NUF2: variants seen among roughly 807,000 people sequenced by gnomAD.
NUF2 encodes NUF2 component of NDC80 kinetochore complex.
In NUF2, 34 loss-of-function variants were observed where a neutral mutation model predicts 61.8. The observed-to-expected ratio is 0.55, with a 90% CI of 0.42 to 0.73. NUF2 has a LOEUF of 0.73. Ranked by LOEUF, NUF2 falls within the 30% of genes least tolerant of loss-of-function variation. The pLI, the probability that NUF2 is intolerant of heterozygous loss-of-function variation, is 0.00. For missense variants in NUF2, 445 were observed against 539.1 expected (o/e 0.83, Z 1.73); for synonymous variants, 172 against 181.6 (o/e 0.95, Z 0.42).
chr1:163,355,692 C>T lies in NUF2; in HGVS notation c.*223C>T, dbSNP rs1436983166. The T allele has an allele frequency of 7.8e-5, 23 of 293,206 alleles. No individual in the cohort carries two copies. The East Asian group carries it at 1.3e-3, about 16-fold the overall frequency. 18.2% of individuals were successfully genotyped at this position (293,206 alleles called of 1,614,324 possible). On this transcript the variant is annotated 3_prime_UTR_variant, in exon 14 of 14. Transcript: ENST00000271452. ...AGCTATTCATGTCTCTACTCTGCCCCTTGTTGTAAATAGTTTGAGTAAAAC... is the reference window on the plus strand; with the variant it reads ...AGCTATTCATGTCTCTACTCTGCCCTTTGTTGTAAATAGTTTGAGTAAAAC...
chr1:163,348,980 T>C lies in NUF2; in HGVS notation c.1160T>C (p.Val387Ala). The change falls in exon 13 of 14, where the codon GTC (valine) becomes GCC (alanine). Residue 387 changes from valine to alanine, a missense_variant. Val to Ala is a moderately conservative substitution (Grantham distance 64). Transcript: ENST00000271452. ...AAAGTTCAAGAAAAAAGAGGTGCTG[T>C]CTATGAACGAGTAACCACAATTAAT... ...CNKVQEKRGA[V>A]YERVTTINQE... 6.2e-7 allele frequency: 1 copy of C among 1,610,054 alleles called. No homozygotes were observed. The highest frequency in any genetic ancestry group is 8.5e-7 in the Non-Finnish European group (1 of 1,179,060).
rs561988634 is a variant in NUF2 at position 163,344,991 on chromosome 1, CTT to C, written c.808-686_808-685del. On this transcript the variant is annotated intron_variant, in intron 10 of 13. Transcript: ENST00000271452. Reference sequence around the variant, plus strand: ...AAGTTTTACAGATTTTAGGAGAACACTTATATAATCTTGGACTGAGATAGATT... The same window carrying C: ...AAGTTTTACAGATTTTAGGAGAACACATATAATCTTGGACTGAGATAGATT... Among the ~76,000 whole-genome samples, 19 of 152,138 alleles carry C rather than the reference CTT, an allele frequency of 1.2e-4. 1 individual carries two copies. In the South Asian group the frequency reaches 3.7e-3, roughly 30 times the overall value.
intron 13 of NUF2, among the ~76,000 whole-genome samples, chr1:163,354,793 T>C (rs1651434379): frequency 1.3e-5 from 2 of 152,058 alleles, no homozygotes; most frequent in East Asian, 1.9e-4. Flanking sequence ...ACACGCTAAT[T>C]TTTTTCTTAT....
intron 12 of NUF2, among the ~76,000 whole-genome samples, chr1:163,348,455 C>T (rs1651206097): frequency 6.6e-6 from 1 of 152,144 alleles, no homozygotes; most frequent in Admixed American, 6.5e-5. Context: ...CCAGATATGT[C>T]TATAATCTCA....
intron 5 of NUF2, among the ~76,000 whole-genome samples, chr1:163,329,736 G>A (rs904151338): frequency 4.6e-5 from 7 of 152,094 alleles, no homozygotes; most frequent in African/African-American, 1.7e-4. Context: ...CAAATGAATC[G>A]AAAGCTTATA....
At chr1:163,333,043 C>T (rs1380757524) in intron 5 of NUF2, among the ~76,000 whole-genome samples, 1 of 152,064 alleles carries the variant, frequency 6.6e-6, no homozygotes, top group Non-Finnish European at 1.5e-5. Context: ...CCTGGTTGTT[C>T]TTTGAACTGT....
chr1:163,330,912 CTTA>C (rs1460788781), intron 5 of NUF2, among the ~76,000 whole-genome samples: 4 of 143,800 alleles, frequency 2.8e-5, no homozygotes, highest in African/African-American at 2.5e-5. Flanking sequence ...GCTAAAATCA[CTTA>C]TTATTTGAGT....
intron 3 of NUF2, 197 bp downstream of exon 3, chr1:163,327,759 G>T (rs1249631794): frequency 2.8e-5 from 15 of 538,126 alleles, no homozygotes; most frequent in Non-Finnish European, 6.5e-6. Flanking sequence ...TATATCCATA[G>T]ATTTAGTAAG....
chr1:163,335,643 T>G (rs1376305800), intron 5 of NUF2, among the ~76,000 whole-genome samples: 1 of 152,176 alleles, frequency 6.6e-6, no homozygotes, highest in Non-Finnish European at 1.5e-5. Context: ...TTCACTTTCT[T>G]GGATATGGTT....
chr1:163,355,219 A>T (rs1025857208), intron 13 of NUF2, 116 bp from the exon 14 acceptor site: 11 of 770,470 alleles, frequency 1.4e-5, no homozygotes, highest in Non-Finnish European at 2.2e-5. Flanking sequence ...GTGTGTGCAT[A>T]AGAATTTAGG....
chr1:163,322,395 G>C (rs887754206), intron 1 of NUF2, among the ~76,000 whole-genome samples, 183 bp downstream of exon 1: 3 of 152,216 alleles, frequency 2.0e-5, no homozygotes, highest in African/African-American at 7.2e-5. Context: ...CGGTGGTAAT[G>C]TGGTTTATTT....
At chr1:163,324,900 C>CTTTCTTTT (rs1650365007) in intron 1 of NUF2, among the ~76,000 whole-genome samples, 1 of 122,974 alleles carries the variant, frequency 8.1e-6, no homozygotes, top group Non-Finnish European at 1.7e-5. Context: ...TCTTTTCTTT[C>CTTTCTTTT]TTTTTTTTTT....
intron 1 of NUF2, among the ~76,000 whole-genome samples, chr1:163,325,245 C>T (rs1321751605): frequency 2.0e-5 from 3 of 152,216 alleles, no homozygotes; most frequent in African/African-American, 7.2e-5. Context: ...TGGGGGCCAC[C>T]CTATACATCG....
intron 10 of NUF2, 109 bp from the exon 11 acceptor site, chr1:163,345,569 A>C (rs1414644967): frequency 2.2e-6 from 2 of 917,780 alleles, no homozygotes; most frequent in Non-Finnish European, 3.3e-6. Context: ...CGTGCTCTTA[A>C]GGTTTCAGTA....
At chr1:163,336,091 T>C (rs1328189460) in intron 5 of NUF2, among the ~76,000 whole-genome samples, 1 of 152,192 alleles carries the variant, frequency 6.6e-6, no homozygotes, top group Non-Finnish European at 1.5e-5. Context: ...ATTGATTGTA[T>C]TTTCTTATTA....
At chr1:163,324,521 T>A (rs932547974) in intron 1 of NUF2, among the ~76,000 whole-genome samples, 5 of 147,850 alleles carry the variant, frequency 3.4e-5, no homozygotes, top group Admixed American at 6.7e-5. Context: ...TCTAAAAAAA[T>A]TAGGAGCCTA....
chr1:163,352,685 T>A (rs1651361732), intron 13 of NUF2, among the ~76,000 whole-genome samples: 1 of 152,104 alleles, frequency 6.6e-6, no homozygotes, highest in Admixed American at 6.6e-5. Flanking sequence ...GCTAACACAG[T>A]GAAACCCCGT....
At chr1:163,339,031 A>G (rs1650853774) in intron 7 of NUF2, among the ~76,000 whole-genome samples, 1 of 152,104 alleles carries the variant, frequency 6.6e-6, no homozygotes, top group South Asian at 2.1e-4. Context: ...AATGGATGGT[A>G]TGGGAGTAAG....
At chr1:163,351,891 A>G (rs1461009613) in intron 13 of NUF2, among the ~76,000 whole-genome samples, 2 of 152,124 alleles carry the variant, frequency 1.3e-5, no homozygotes, top group Non-Finnish European at 2.9e-5. Context: ...GTTCTTTCCC[A>G]TAGATAATTT....
Sources: gnomAD v4.1 joint callset for allele counts (sites outside exome capture counted in the v4.1 genomes callset) on GRCh38, gnomAD v4.1.1 for gene constraint, MANE v1.5 for transcripts, NCBI Gene and HGNC (gene_info 2026-07-23, HGNC 2026-07-21) for gene names.